The following MINDY4 variants were observed in gnomAD, a reference collection of about 807,000 sequenced individuals.
MINDY4 encodes the protein MINDY lysine 48 deubiquitinase 4, also known as probable ubiquitin carboxyl-terminal hydrolase MINDY-4.
MINDY4 carries 68 observed loss-of-function variants against 87.0 expected under a neutral mutation model. The observed-to-expected ratio is 0.78, with a 90% CI of 0.64 to 0.96. The LOEUF is 0.96. MINDY4 is among the 40% of genes least tolerant of loss of function. The pLI is 0.00. For synonymous variants in MINDY4, 379 were observed against 363.2 expected (o/e 1.04, Z -0.50); for missense variants, 919 against 928.2 (o/e 0.99, Z 0.13).
chr7:30,881,400 C>T (rs1038369624), intron 15 of MINDY4, among the ~76,000 whole-genome samples: 1 of 152,188 alleles, frequency 6.6e-6, no homozygotes, highest in Non-Finnish European at 1.5e-5. Context: ...GTTGCTGCAA[C>T]CTCAGTGCCC....
intron 15 of MINDY4, among the ~76,000 whole-genome samples, chr7:30,876,912 G>T (rs1790276806): frequency 6.6e-6 from 1 of 152,074 alleles, no homozygotes; most frequent in Admixed American, 6.5e-5. Flanking sequence ...AAAAGACTAG[G>T]GTTTTAAGCC....
intron 10 of MINDY4, among the ~76,000 whole-genome samples, chr7:30,850,792 G>A (rs1283458735): frequency 6.6e-6 from 1 of 152,206 alleles, no homozygotes; most frequent in East Asian, 1.9e-4. Context: ...GTTGGAAGGC[G>A]TGGTCTGTCT....
At chr7:30,847,356 C>T (rs1789252893) in intron 9 of MINDY4, among the ~76,000 whole-genome samples, 1 of 152,160 alleles carries the variant, frequency 6.6e-6, no homozygotes. Flanking sequence ...GGGCTGTAAG[C>T]AGAGCCTGTA....
intron 5 of MINDY4, among the ~76,000 whole-genome samples, chr7:30,810,167 T>G (rs1372044829): frequency 9.1e-5 from 11 of 120,770 alleles, no homozygotes; most frequent in African/African-American, 3.8e-4. Flanking sequence ...AGAGCAAGAC[T>G]CTGTTTCAAA....
At chr7:30,879,155 A>G (rs1253332419) in intron 15 of MINDY4, among the ~76,000 whole-genome samples, 1 of 152,202 alleles carries the variant, frequency 6.6e-6, no homozygotes, top group Non-Finnish European at 1.5e-5. Context: ...CCAGTACCTC[A>G]GAATGTATTA....
In MINDY4 at chr7:30,791,166, A is replaced by T; in HGVS notation, c.665A>T (p.Asp222Val). 6.2e-7 allele frequency: 1 copy of T among 1,603,782 alleles called. No homozygotes were observed. The highest frequency in any genetic ancestry group is 1.1e-5 in the South Asian group (1 of 90,318). Residue 222 changes from aspartate (D) to valine (V), a missense_variant and splice_region_variant, in exon 5 of 18, where the codon GAT (aspartate) becomes GTT (valine). Asp to Val is a radical substitution (Grantham distance 152, BLOSUM62 -3). Transcript: ENST00000265299. The stretch of plus-strand genomic sequence containing the variant: ...TGCTTTTGTCCTTACTCCCTTTAGG[A>T]TTCTTTTCACAGACACTATCTGAGA... ...MSGPIASSPQ[D>V]SFHRHYLRRS... is the part of the protein sequence containing the mutation.
rs1289537060 is a variant in MINDY4 at position 30,836,707 on chromosome 7, C to G, written c.1182C>G (p.Val394=). The G allele has an allele frequency of 6.2e-7, 1 of 1,614,030 alleles. No homozygotes were observed. The highest frequency in any genetic ancestry group is 8.5e-7 in the Non-Finnish European group (1 of 1,180,032). Residue 394 remains valine, a synonymous_variant, in exon 7 of 18, where the codon GTC becomes GTG. Transcript: ENST00000265299. ...GGGAAGAGGTCATCCTGTCGCCAGT[C>G]CCATCAGTGCTCAAGTTGCAGACAG... ...LIREEVILSP[V]PSVLKLQTAS...
At chr7:30,855,081 C>T (rs74653057) in intron 12 of MINDY4, among the ~76,000 whole-genome samples, 1,900 of 152,342 alleles carry the variant, frequency 0.012, 22 homozygotes, top group Middle Eastern at 0.044. Context: ...ACTGCTGATG[C>T]GGTGCATCCA....
chr7:30,826,645 G>A (rs1003794568), intron 5 of MINDY4, among the ~76,000 whole-genome samples: 1 of 152,200 alleles, frequency 6.6e-6, no homozygotes, highest in Admixed American at 6.5e-5. Context: ...ATTTTTATAA[G>A]GAAGCAGTAA....
chr7:30,781,921 A>G, intron 2 of MINDY4, 56 bp from the exon 3 acceptor site: 1 of 1,243,750 alleles, frequency 8.0e-7, no homozygotes. Context: ...TGTCTTTTCC[A>G]CTCTTCCCTG....
intron 3 of MINDY4, among the ~76,000 whole-genome samples, chr7:30,784,315 T>G (rs1244583123): frequency 6.6e-6 from 1 of 152,246 alleles, no homozygotes; most frequent in Non-Finnish European, 1.5e-5. Flanking sequence ...CGTCATCTTC[T>G]GCATCTGTGA....
intron 5 of MINDY4, among the ~76,000 whole-genome samples, chr7:30,817,814 C>G (rs771157275): frequency 6.6e-5 from 10 of 152,232 alleles, no homozygotes; most frequent in Non-Finnish European, 1.5e-4. Flanking sequence ...GTCTGAACAA[C>G]TCTCTCATTC....
chr7:30,793,739 C>T (rs1296800877), intron 5 of MINDY4, among the ~76,000 whole-genome samples: 1 of 152,118 alleles, frequency 6.6e-6, no homozygotes, highest in African/African-American at 2.4e-5. Context: ...GAGCAGCCCA[C>T]TTCTAAGAGG....
At chr7:30,793,041 A>G (rs1459516783) in intron 5 of MINDY4, among the ~76,000 whole-genome samples, 2 of 144,824 alleles carry the variant, frequency 1.4e-5, no homozygotes, top group African/African-American at 5.0e-5. Context: ...TCTAATTCCC[A>G]TCGTGGTTTC....
chr7:30,834,410 T>C (rs574825783), intron 6 of MINDY4, among the ~76,000 whole-genome samples: 2 of 152,326 alleles, frequency 1.3e-5, no homozygotes, highest in South Asian at 2.1e-4. Flanking sequence ...GGCTGGGATG[T>C]AGGGCACCAA....
Position 30,882,372 on chromosome 7 carries a change from T to TCGG in MINDY4, c.2152+12_2152+13insGGC. 2 of 1,521,494 alleles carry TCGG rather than the reference T, an allele frequency of 1.3e-6. No homozygotes were observed. Among genetic ancestry groups the TCGG allele is most frequent in the Non-Finnish European group, 8.9e-7 (1 of 1,127,550 alleles). The allele number at this position is 1,521,494 out of a possible 1,614,324, so 94.2% of individuals were successfully genotyped here. ...TCCGGCTGACCATTGGTGCGGGCCC[T>TCGG]CACCCCCCCACCCACCCAACCCTGT... On this transcript the variant is annotated intron_variant, in intron 16 of 17. Transcript: ENST00000265299.
At chr7:30,872,160 TA>T in intron 13 of MINDY4, 82 bp from the exon 14 acceptor site, 1 of 1,307,760 alleles carries the variant, frequency 7.6e-7, no homozygotes, top group Non-Finnish European at 1.1e-6. Context: ...GCCTGGAACC[TA>T]AGGGGAGCGC....
At chr7:30,891,073 TCA>T (rs1459446034) in intron 17 of MINDY4, among the ~76,000 whole-genome samples, 6 of 152,294 alleles carry the variant, frequency 3.9e-5, no homozygotes, top group Admixed American at 3.9e-4. Flanking sequence ...TGCCCAAACC[TCA>T]TACTTTGAAA....
intron 12 of MINDY4, chr7:30,859,008 C>T: frequency 1.4e-6 from 1 of 702,336 alleles, no homozygotes. Context: ...TTTGAGGACT[C>T]TGAGGTCACT....
Sources: gnomAD v4.1 joint callset for allele counts (sites outside exome capture counted in the v4.1 genomes callset) on GRCh38, gnomAD v4.1.1 for gene constraint, MANE v1.5 for transcripts, NCBI Gene and HGNC (gene_info 2026-07-23, HGNC 2026-07-21) for gene names.